Variants in GRM3 observed in about 807,000 individuals in gnomAD.
GRM3 encodes the protein glutamate metabotropic receptor 3, also known as metabotropic glutamate receptor 3.
Under a neutral mutation model 70.5 loss-of-function variants are expected in GRM3, and 26 were observed. That is an observed-to-expected ratio of 0.37 (90% CI 0.27 to 0.51). The LOEUF (loss-of-function observed/expected upper bound fraction) is 0.51. Among genes scored for constraint, GRM3 ranks in the 20% least tolerant of loss-of-function variants. GRM3 has a pLI of 0.93. For synonymous variants in GRM3, 443 were observed against 434.9 expected (o/e 1.02, Z -0.23); for missense variants, 859 against 1,123.8 (o/e 0.76, Z 3.37).
intron 3 of GRM3, among the ~76,000 whole-genome samples, chr7:86,798,627 T>C (rs546114503): frequency 6.6e-6 from 1 of 152,334 alleles, no homozygotes; most frequent in Non-Finnish European, 1.5e-5. Context: ...AGACTTTGAC[T>C]GTGGACTTTT....
intron 4 of GRM3, among the ~76,000 whole-genome samples, chr7:86,840,645 T>G (rs965495133): frequency 2.6e-5 from 4 of 152,098 alleles, no homozygotes; most frequent in Non-Finnish European, 5.9e-5. Context: ...AAATGCTACA[T>G]AAAATGTAGC....
chr7:86,742,730 C>A (rs1025413324), intron 1 of GRM3, among the ~76,000 whole-genome samples: 8 of 151,876 alleles, frequency 5.3e-5, no homozygotes, highest in Admixed American at 2.0e-4. Flanking sequence ...GAATCATATC[C>A]CAATAAGAAG....
At chr7:86,770,310 A>G (rs1225318792) in intron 2 of GRM3, among the ~76,000 whole-genome samples, 1 of 152,236 alleles carries the variant, frequency 6.6e-6, no homozygotes, top group African/African-American at 2.4e-5. Flanking sequence ...AAGCTCATAG[A>G]AAGGGCAGAA....
chr7:86,832,412 G>A (rs1245574765), intron 3 of GRM3, among the ~76,000 whole-genome samples: 1 of 151,832 alleles, frequency 6.6e-6, no homozygotes, highest in Non-Finnish European at 1.5e-5. Context: ...CCACATCCAG[G>A]TAATGTTTTG....
At chr7:86,781,820 T>C (rs558160922) in intron 2 of GRM3, among the ~76,000 whole-genome samples, 1 of 152,272 alleles carries the variant, frequency 6.6e-6, no homozygotes, top group East Asian at 1.9e-4. Context: ...AAGACTTATA[T>C]AAAGACTTGG....
At chr7:86,733,066 G>A (rs540385002) in intron 1 of GRM3, among the ~76,000 whole-genome samples, 43 of 152,282 alleles carry the variant, frequency 2.8e-4, no homozygotes, top group African/African-American at 9.9e-4. Flanking sequence ...TGTAATCCCA[G>A]CACTTTGGGA....
chr7:86,787,010 A>G lies in GRM3; in HGVS notation c.1218A>G (p.Lys406=). Residue 406 remains lysine (K), a synonymous_variant, in exon 3 of 6, where the codon AAA becomes AAG. Coordinates refer to ENST00000361669, the MANE Select transcript of GRM3 (RefSeq NM_000840.3). Reference sequence around the variant, plus strand: ...ATGCCATGGCCCACGCTTTGCACAAAATGCAGCGCACCCTCTGTCCCAACA... The same window carrying G: ...ATGCCATGGCCCACGCTTTGCACAAGATGCAGCGCACCCTCTGTCCCAACA... ...AVYAMAHALH[K]MQRTLCPNTT... is the part of the protein sequence containing the mutation. 1 of 1,613,900 alleles carries G rather than the reference A, an allele frequency of 6.2e-7. No individual in the cohort carries two copies.
At chr7:86,792,177 C>A (rs1429897500) in intron 3 of GRM3, among the ~76,000 whole-genome samples, 1 of 152,128 alleles carries the variant, frequency 6.6e-6, no homozygotes, top group Admixed American at 6.6e-5. Context: ...TATCCTGAGA[C>A]CAGTTCCAGA....
At chr7:86,749,687 T>C (rs1714769587) in intron 1 of GRM3, among the ~76,000 whole-genome samples, 1 of 152,048 alleles carries the variant, frequency 6.6e-6, no homozygotes, top group Non-Finnish European at 1.5e-5. Context: ...AAAAGTATTT[T>C]TGAGGCAATA....
rs1027399205 is a variant in GRM3 at position 86,726,754 on chromosome 7, G to A, written c.-140-38252G>A. ...ACTTCTTTAAAGTCCCATTAACTTC[G>A]CATTCACTGTTCAGCTAATCTGAGA... On this transcript the variant is annotated intron_variant, in intron 1 of 5. Coordinates refer to ENST00000361669, the MANE Select transcript of GRM3 (RefSeq NM_000840.3). 4.6e-5 allele frequency among the ~76,000 whole-genome samples: 7 copies of A among 152,130 alleles called. No homozygotes were observed. The South Asian group carries it at 6.2e-4, about 13-fold the overall frequency.
rs1176987336 is a variant in GRM3 at position 86,855,423 on chromosome 7, GTC to G, written c.2566+4883_2566+4884del. 3.9e-5 allele frequency among the ~76,000 whole-genome samples: 6 copies of G among 152,234 alleles called. No homozygotes were observed. The South Asian group carries it at 1.0e-3, about 26-fold the overall frequency. On this transcript the variant is annotated intron_variant, in intron 5 of 5. Transcript: ENST00000361669. ...CAGACTTGGTCCTATAAGGATATGTGTCTCTTGCTCATGGTAATTGTTCAGAT... is the reference window on the plus strand; with the variant it reads ...CAGACTTGGTCCTATAAGGATATGTGTCTTGCTCATGGTAATTGTTCAGAT...
intron 1 of GRM3, among the ~76,000 whole-genome samples, chr7:86,749,658 G>A (rs991026326): frequency 2.0e-5 from 3 of 151,990 alleles, no homozygotes; most frequent in African/African-American, 7.2e-5. Flanking sequence ...CTGAAATGAA[G>A]CATGTATAGA....
chr7:86,810,423 A>T (rs997178985), intron 3 of GRM3, among the ~76,000 whole-genome samples: 8 of 151,962 alleles, frequency 5.3e-5, no homozygotes, highest in African/African-American at 1.9e-4. Context: ...CTGAAAAAAA[A>T]TGTTGATATA....
intron 3 of GRM3, among the ~76,000 whole-genome samples, chr7:86,789,548 C>CT (rs1797354695): frequency 6.6e-6 from 1 of 152,070 alleles, no homozygotes; most frequent in Non-Finnish European, 1.5e-5. Flanking sequence ...ATTTGTTTTA[C>CT]TTTTTTTCTG....
Position 86,765,002 on chromosome 7 carries a change from T to G in GRM3, c.-140-4T>G, listed in dbSNP as rs1796566113. On this transcript the variant is annotated splice_region_variant and splice_polypyrimidine_tract_variant and intron_variant, in intron 1 of 5. Transcript: ENST00000361669. ...TTTTGTTCATATAATTTTTATCTCT[T>G]TAGGAATTTTGTGACAGGCTCTGTT... is the stretch of plus-strand genomic sequence containing the variant. 1 of 1,465,782 alleles carries G rather than the reference T, an allele frequency of 6.8e-7. No individual in the cohort carries two copies. The highest frequency in any genetic ancestry group is 9.0e-7 in the Non-Finnish European group (1 of 1,116,200). The allele number at this position is 1,465,782 out of a possible 1,614,324, so 90.8% of individuals were successfully genotyped here.
At chr7:86,793,729 G>A (rs926063018) in intron 3 of GRM3, among the ~76,000 whole-genome samples, 1 of 152,132 alleles carries the variant, frequency 6.6e-6, no homozygotes, top group African/African-American at 2.4e-5. Context: ...TGGAGAACAG[G>A]AGCCTCTAGG....
chr7:86,807,138 G>T (rs1797810301), intron 3 of GRM3, among the ~76,000 whole-genome samples: 3 of 67,096 alleles, frequency 4.5e-5, no homozygotes, highest in Admixed American at 3.5e-4. Flanking sequence ...ATGCTGTTTT[G>T]GTTACTGTAG....
intron 1 of GRM3, among the ~76,000 whole-genome samples, chr7:86,764,034 A>G (rs1193465808): frequency 2.6e-5 from 4 of 152,058 alleles, no homozygotes; most frequent in Non-Finnish European, 5.9e-5. Context: ...GGTGAAGTGG[A>G]GAAGACTCTA....
intron 5 of GRM3, among the ~76,000 whole-genome samples, chr7:86,862,232 C>T (rs1366517810): frequency 6.6e-6 from 1 of 152,070 alleles, no homozygotes; most frequent in South Asian, 2.1e-4. Flanking sequence ...CAAAAGGCTG[C>T]AGAAAAAGCA....
Sources: gnomAD v4.1 joint callset for allele counts (sites outside exome capture counted in the v4.1 genomes callset) on GRCh38, gnomAD v4.1.1 for gene constraint, MANE v1.5 for transcripts, NCBI Gene and HGNC (gene_info 2026-07-23, HGNC 2026-07-21) for gene names.